Variants in ZNF496 observed in about 807,000 individuals in gnomAD.
ZNF496 encodes zinc finger protein 496.
A neutral mutation model predicts 58.9 loss-of-function variants in ZNF496; 11 were observed. That is an observed-to-expected ratio of 0.19 (90% confidence interval 0.12 to 0.31). ZNF496 has a LOEUF of 0.31. Ranked by LOEUF, ZNF496 falls within the 10% of genes least tolerant of loss-of-function variation. The probability of loss-of-function intolerance (pLI) is 1.00; values close to 1 mark genes in which losing one functional copy is unlikely to be tolerated. For missense variants in ZNF496, 660 were observed against 783.0 expected, an observed-to-expected ratio of 0.84 and a Z score of 1.88; for synonymous variants, 338 against 318.2, an observed-to-expected ratio of 1.06 and a Z score of -0.66.
Position 247,299,448 on chromosome 1 carries a change from A to G in ZNF496, c.*1071T>C, listed in dbSNP as rs1432154103. 6.6e-6 allele frequency: 1 copy of G among 152,252 alleles called. No individual in the cohort carries two copies. Among genetic ancestry groups the G allele is most frequent in the East Asian group, 1.9e-4 (1 of 5,190 alleles). 9.4% of individuals were successfully genotyped at this position (152,252 alleles called of 1,614,324 possible). On this transcript the variant is annotated 3_prime_UTR_variant, in exon 10 of 10. Coordinates refer to ENST00000682384, the MANE Select transcript of ZNF496 (RefSeq NM_032752.3). ...AGGCACCAACTCTGAGGACACCCTG[A>G]TCTTGGACGTGCACCTCCCAGAACT...
At chr1:247,304,564 G>T in intron 9 of ZNF496, among the ~76,000 whole-genome samples, 1 of 152,036 alleles carries the variant, frequency 6.6e-6, no homozygotes, top group Non-Finnish European at 1.5e-5. Flanking sequence ...TAGAGAGAGG[G>T]TTTCCCCATT....
Position 247,328,732 on chromosome 1 carries a change from C to A in ZNF496, c.525G>T (p.Gln175His). 1 of 1,611,440 alleles carries A rather than the reference C, an allele frequency of 6.2e-7. No homozygotes were observed. The highest frequency in any genetic ancestry group is 1.7e-5 in the Admixed American group (1 of 59,548). ...GTGGTCTGCTTGGGAGCCCCAGGCACTGTGCCAGGGTTATGGGCTGGGCAT... is the reference window on the plus strand; with the variant it reads ...GTGGTCTGCTTGGGAGCCCCAGGCAATGTGCCAGGGTTATGGGCTGGGCAT... Reference protein sequence around the residue: ...NQDAQPITLAQCLGLPSRPPS... With the variant: ...NQDAQPITLAHCLGLPSRPPS... Residue 175 changes from glutamine to histidine, a missense_variant, in exon 5 of 10, where the codon CAG (glutamine) becomes CAT (histidine). Physicochemically the swap from Gln to His is conservative, Grantham distance 24. Coordinates refer to ENST00000682384, the MANE Select transcript of ZNF496 (RefSeq NM_032752.3).
intron 9 of ZNF496, among the ~76,000 whole-genome samples, chr1:247,303,241 C>A (rs1345690381): frequency 6.6e-6 from 1 of 152,178 alleles, no homozygotes; most frequent in African/African-American, 2.4e-5. Flanking sequence ...GGAGCCGTCT[C>A]CAAGACGAGA....
Position 247,309,635 on chromosome 1 carries a change from C to G in ZNF496, c.892+64G>C. ...GCAGAGAGAAGCCAGAGAGTGGGCT[C>G]ACCTCCGGCTGCCAGCAACCCTTCC... is the stretch of plus-strand genomic sequence containing the variant. On this transcript the variant is annotated intron_variant, in intron 8 of 9. Coordinates refer to ENST00000682384, the MANE Select transcript of ZNF496 (RefSeq NM_032752.3). This position sits in a 1 kb window ranked among gnomAD's most constrained non-coding sequence, Gnocchi z 4.3. 6.3e-7 allele frequency: 1 copy of G among 1,596,410 alleles called. No individual in the cohort carries two copies. Among genetic ancestry groups the G allele is most frequent in the Non-Finnish European group, 8.5e-7 (1 of 1,170,042 alleles).
intron 5 of ZNF496, among the ~76,000 whole-genome samples, chr1:247,323,596 A>G (rs1024740620): frequency 2.0e-5 from 3 of 152,070 alleles, no homozygotes; most frequent in Non-Finnish European, 4.4e-5. Flanking sequence ...ATTGTTATCC[A>G]AACTATGGGA....
At chr1:247,305,732 G>A (rs1231494679) in intron 9 of ZNF496, among the ~76,000 whole-genome samples, 1 of 152,182 alleles carries the variant, frequency 6.6e-6, no homozygotes, top group Admixed American at 6.5e-5. Flanking sequence ...CTCAAGCAAG[G>A]CATAAAACCA....
At chr1:247,322,949 A>G in intron 6 of ZNF496, 2 of 719,658 alleles carry the variant, frequency 2.8e-6, no homozygotes, top group Non-Finnish European at 4.4e-6. Flanking sequence ...TGATGACAGT[A>G]GACCCAGTGG....
intron 6 of ZNF496, among the ~76,000 whole-genome samples, chr1:247,315,614 G>A (rs182621546): frequency 5.9e-5 from 9 of 152,274 alleles, no homozygotes; most frequent in Non-Finnish European, 1.3e-4. Context: ...TGAAGATTTG[G>A]GGAAAAATAG....
rs1339027945 is a variant in ZNF496, at chr1:247,298,066, T to C, written c.*2453A>G. On this transcript the variant is annotated 3_prime_UTR_variant, in exon 10 of 10. Transcript: ENST00000682384. ...GCACAGGTAGGAGCACACAGGTAGGTGGGGTAAACGTGTACAGAGAGCCTG... is the reference window on the plus strand; with the variant it reads ...GCACAGGTAGGAGCACACAGGTAGGCGGGGTAAACGTGTACAGAGAGCCTG... 6.6e-6 allele frequency: 1 copy of C among 152,132 alleles called. No individual in the cohort carries two copies. The allele number at this position is 152,132 out of a possible 1,614,324, so 9.4% of individuals were successfully genotyped here. A position where few individuals can be genotyped will look rare whatever the true frequency, so the allele number is the denominator to read the frequency against.
At position 247,329,162 on chromosome 1, in the gene ZNF496, C is replaced by T. The variant is rs1213273677; in HGVS notation, c.390+27G>A. On this transcript the variant is annotated intron_variant, in intron 4 of 9. Coordinates refer to ENST00000682384, the MANE Select transcript of ZNF496 (RefSeq NM_032752.3). This position sits in a 1 kb window ranked among gnomAD's most constrained non-coding sequence, Gnocchi z 5.5. ...AGTGTCTAAGTACCAGATCTCTACC[C>T]GTCCCAGCCCCACCTCTTCTACTCA... 1.3e-5 allele frequency: 21 copies of T among 1,613,032 alleles called. No homozygotes were observed. The highest frequency in any genetic ancestry group is 2.7e-5 in the African/African-American group (2 of 74,918).
In ZNF496 at chr1:247,328,737, C is replaced by T. The variant is rs1157648921; in HGVS notation, c.520G>A (p.Ala174Thr). 1 of 1,612,690 alleles carries T rather than the reference C, an allele frequency of 6.2e-7. No individual in the cohort carries two copies. Among genetic ancestry groups the T allele is most frequent in the Non-Finnish European group, 8.5e-7 (1 of 1,179,426 alleles). ...KNQDAQPITLAQCLGLPSRPP... is the reference protein window; with the variant it reads ...KNQDAQPITLTQCLGLPSRPP... Reference sequence around the variant, plus strand: ...CTGCTTGGGAGCCCCAGGCACTGTGCCAGGGTTATGGGCTGGGCATCCTGG... The same window carrying T: ...CTGCTTGGGAGCCCCAGGCACTGTGTCAGGGTTATGGGCTGGGCATCCTGG... Residue 174 changes from alanine (A) to threonine (T), a missense_variant, in exon 5 of 10, where the codon GCA (alanine) becomes ACA (threonine). By Grantham distance (58) the Ala-to-Thr change is moderately conservative (BLOSUM62 0). Coordinates refer to ENST00000682384, the MANE Select transcript of ZNF496 (RefSeq NM_032752.3).
rs777523987 is a variant in ZNF496 at position 247,328,885 on chromosome 1, C to G, written c.391-19G>C. The G allele has an allele frequency of 1.3e-6, 2 of 1,567,686 alleles. No individual in the cohort carries two copies. The highest frequency in any genetic ancestry group is 1.7e-6 in the Non-Finnish European group (2 of 1,156,554). On this transcript the variant is annotated intron_variant, in intron 4 of 9. Transcript: ENST00000682384. ...GCTTGAGCTGCAATCCCAGAGACAGCTTTTCAGGGCTAGGGGAAGAGGTCC... is the reference window on the plus strand; with the variant it reads ...GCTTGAGCTGCAATCCCAGAGACAGGTTTTCAGGGCTAGGGGAAGAGGTCC...
intron 6 of ZNF496, chr1:247,311,408 A>T (rs575967808): frequency 7.4e-6 from 1 of 134,800 alleles, no homozygotes; most frequent in Admixed American, 8.6e-5. Context: ...TTAAAAAAAA[A>T]AAAACAAAAC....
At position 247,310,408 on chromosome 1, in the gene ZNF496, C is replaced by G. The variant is rs1211582649; in HGVS notation, c.700G>C (p.Asp234His). Reference protein sequence around the residue: ...KDMILCFSEEDWSLLDPAQTG... With the variant: ...KDMILCFSEEHWSLLDPAQTG... Reference sequence around the variant, plus strand: ...TGGGCAGGATCTAGAAGGGACCAATCCTCTTCAGAGAAGCATAAAATCATG... The same window carrying G: ...TGGGCAGGATCTAGAAGGGACCAATGCTCTTCAGAGAAGCATAAAATCATG... Residue 234 changes from aspartate to histidine, a missense_variant, in exon 7 of 10, where the codon GAT (aspartate) becomes CAT (histidine). Asp to His is a moderately conservative substitution (Grantham distance 81, BLOSUM62 -1). Transcript: ENST00000682384. The G allele has an allele frequency of 6.2e-7, 1 of 1,614,164 alleles. No homozygotes were observed. The highest frequency in any genetic ancestry group is 1.7e-5 in the Admixed American group (1 of 60,016).
chr1:247,307,667 C>T (rs779171188), intron 9 of ZNF496: 2 of 985,236 alleles, frequency 2.0e-6, no homozygotes, highest in African/African-American at 1.7e-5. Flanking sequence ...GGGCCAAGTA[C>T]AAGATGCATG....
rs1374326075 is a variant in ZNF496, at chr1:247,329,672, G to C, written c.-37-57C>G. 4.1e-6 allele frequency: 6 copies of C among 1,462,924 alleles called. No individual in the cohort carries two copies. The African/African-American group carries it at 8.5e-5, about 21-fold the overall frequency. The allele number at this position is 1,462,924 out of a possible 1,614,324, so 90.6% of individuals were successfully genotyped here. A position where few individuals can be genotyped will look rare whatever the true frequency, so the allele number is the denominator to read the frequency against. ...GTTCTGGTCTCCTGTGGTCATTTCTGGGGGACAGTGACAAGGAAACTGTCA... is the reference window on the plus strand; with the variant it reads ...GTTCTGGTCTCCTGTGGTCATTTCTCGGGGACAGTGACAAGGAAACTGTCA... On this transcript the variant is annotated intron_variant, in intron 3 of 9. Coordinates refer to ENST00000682384, the MANE Select transcript of ZNF496 (RefSeq NM_032752.3). The surrounding 1 kb of genome is among the most constrained non-coding windows in gnomAD (Gnocchi z 5.5).
Position 247,308,824 on chromosome 1 carries a change from G to T in ZNF496, c.893-236C>A. On this transcript the variant is annotated intron_variant, in intron 8 of 9. Coordinates refer to ENST00000682384, the MANE Select transcript of ZNF496 (RefSeq NM_032752.3). This position sits in a 1 kb window ranked among gnomAD's most constrained non-coding sequence, Gnocchi z 4.5. ...GCTAGACAGAATCGACGTAGATCCG[G>T]GTTCTACTCCACCCACTCTATGGCC... is the stretch of plus-strand genomic sequence containing the variant. 1 of 472,042 alleles carries T rather than the reference G, an allele frequency of 2.1e-6. No individual in the cohort carries two copies. Among genetic ancestry groups the T allele is most frequent in the East Asian group, 4.1e-5 (1 of 24,476 alleles). 29.2% of individuals were successfully genotyped at this position (472,042 alleles called of 1,614,324 possible).
In ZNF496 at chr1:247,302,577, G is replaced by T. The variant is rs569100869; in HGVS notation, c.1007-1301C>A. Among the ~76,000 whole-genome samples the T allele has an allele frequency of 3.3e-5, 5 of 152,206 alleles. No individual in the cohort carries two copies. In the East Asian group the frequency reaches 9.7e-4, roughly 29 times the overall value. ...GGCTCAAGCGAGCCACCCATCTCAG[G>T]TGATCCACCTGCCTCAGCCTCCCAA... On this transcript the variant is annotated intron_variant, in intron 9 of 9. Coordinates refer to ENST00000682384, the MANE Select transcript of ZNF496 (RefSeq NM_032752.3).
chr1:247,310,518 T>G, intron 6 of ZNF496, 62 bp from the exon 7 acceptor site: 2 of 1,598,348 alleles, frequency 1.3e-6, no homozygotes, highest in South Asian at 2.2e-5. Context: ...TCAGTCTTAG[T>G]CCACTGAGGC....
Sources: gnomAD v4.1 joint callset for allele counts (sites outside exome capture counted in the v4.1 genomes callset) on GRCh38, gnomAD v4.1.1 for gene constraint, Gnocchi (gnomAD v3.1) non-coding constraint, MANE v1.5 for transcripts, NCBI Gene and HGNC (gene_info 2026-07-23, HGNC 2026-07-21) for gene names.